The following LRP1B variants were observed in gnomAD, a reference collection of about 807,000 sequenced individuals.
The protein encoded by LRP1B is low-density lipoprotein receptor-related protein 1B.
A neutral mutation model predicts 556.6 loss-of-function variants in LRP1B; 217 were observed. The ratio of observed to expected loss-of-function variants is 0.39; its 90% CI spans 0.35 to 0.44. The LOEUF is 0.44. LRP1B is among the 20% of genes least tolerant of loss of function. The probability of loss-of-function intolerance (pLI) is 1.00; values close to 1 mark genes in which losing one functional copy is unlikely to be tolerated. For synonymous variants in LRP1B, 2,047 were observed against 1,865.8 expected, an observed-to-expected ratio of 1.10 and a Z score of -2.50; for missense variants, 5,053 against 5,620.8, an observed-to-expected ratio of 0.90 and a Z score of 3.23.
In LRP1B at chr2:141,096,629, G is replaced by GAGAGAGAGAGAGAGAGAGAGAGAGA. The variant is rs1558858138; in HGVS notation, c.1014-34357_1014-34356insTCTCTCTCTCTCTCTCTCTCTCTCT. Among the ~76,000 whole-genome samples the GAGAGAGAGAGAGAGAGAGAGAGAGA allele has an allele frequency of 1.2e-4, 7 of 59,746 alleles. 2 individuals are homozygous for GAGAGAGAGAGAGAGAGAGAGAGAGA. The highest frequency in any genetic ancestry group is 1.5e-4 in the African/African-American group (2 of 13,680). 39.2% of individuals were successfully genotyped at this position (59,746 alleles called of 152,430 possible). On this transcript the variant is annotated intron_variant, in intron 7 of 90. Coordinates refer to ENST00000389484, the MANE Select transcript of LRP1B (RefSeq NM_018557.3). ...CTGAATGACAAAGACGGGGAGAGGG[G>GAGAGAGAGAGAGAGAGAGAGAGAGA]GAGAGAGAGAGAGAGAGAGAGAGAG...
At chr2:140,591,372 G>A (rs1380926285) in intron 43 of LRP1B, among the ~76,000 whole-genome samples, 2 of 152,170 alleles carry the variant, frequency 1.3e-5, no homozygotes, top group African/African-American at 4.8e-5. Context: ...CTGACAGTTA[G>A]GTACTCTGCT....
chr2:140,277,654 C>T (rs6725209), intron 84 of LRP1B, among the ~76,000 whole-genome samples: 25,905 of 151,866 alleles, frequency 0.17, 2,715 homozygotes, highest in East Asian at 0.33. Flanking sequence ...AAAAGATGAG[C>T]GCCTGTACAT....
rs766132339 is a variant in LRP1B at position 141,019,986 on chromosome 2, G to C, written c.1906C>G (p.Arg636Gly). 1.2e-6 allele frequency: 2 copies of C among 1,611,722 alleles called. No individual in the cohort carries two copies. Among genetic ancestry groups the C allele is most frequent in the African/African-American group, 1.3e-5 (1 of 74,860 alleles). ...VARLEKASQS[R>G]KTLLEGEMSH... ...ATTTCACCCTCTAAAAGAGTCTTCC[G>C]ACTCTGAGAAGCTTTTTCCAGCCTG... Residue 636 changes from arginine (R) to glycine (G), a missense_variant, in exon 12 of 91, where the codon CGG (arginine) becomes GGG (glycine). By Grantham distance (125) the Arg-to-Gly change is moderately radical. Around this residue, in one of 5 missense-constraint regions of LRP1B, gnomAD observed 3,619 missense variants for 3,931.9 expected, o/e 0.92. Transcript: ENST00000389484.
At chr2:140,506,529 C>A (rs989441452) in intron 53 of LRP1B, among the ~76,000 whole-genome samples, 4 of 152,166 alleles carry the variant, frequency 2.6e-5, no homozygotes, top group African/African-American at 9.7e-5. Context: ...CAGGCATGAG[C>A]CACCGCACCC....
At chr2:140,302,308 C>T (rs751183610) in intron 83 of LRP1B, among the ~76,000 whole-genome samples, 1 of 152,116 alleles carries the variant, frequency 6.6e-6, no homozygotes, top group Non-Finnish European at 1.5e-5. Flanking sequence ...CAATTTTACT[C>T]CTTGTATGTT....
At chr2:141,023,447 TA>T (rs777619891) in intron 11 of LRP1B, among the ~76,000 whole-genome samples, 14 of 151,906 alleles carry the variant, frequency 9.2e-5, no homozygotes, top group Non-Finnish European at 1.9e-4. Flanking sequence ...GATGTGGATT[TA>T]AAAAGAATAA....
chr2:141,175,062 T>C (rs1489313385), intron 7 of LRP1B, among the ~76,000 whole-genome samples: 1 of 152,042 alleles, frequency 6.6e-6, no homozygotes, highest in African/African-American at 2.4e-5. Context: ...GGATATCTGG[T>C]GGAAGAAATT....
At chr2:140,693,019 C>G (rs1365545026) in intron 41 of LRP1B, among the ~76,000 whole-genome samples, 1 of 151,996 alleles carries the variant, frequency 6.6e-6, no homozygotes, top group Non-Finnish European at 1.5e-5. Flanking sequence ...TCATTAAATT[C>G]ATTATTTTTC....
chr2:140,603,136 C>G (rs1682738243), intron 41 of LRP1B, among the ~76,000 whole-genome samples: 1 of 151,978 alleles, frequency 6.6e-6, no homozygotes, highest in Non-Finnish European at 1.5e-5. Context: ...AATTGTATAT[C>G]TAGTAATATA....
chr2:141,108,705 T>C (rs1700673909), intron 7 of LRP1B, among the ~76,000 whole-genome samples: 1 of 152,192 alleles, frequency 6.6e-6, no homozygotes, highest in East Asian at 1.9e-4. Context: ...CCTAGGTCAG[T>C]CTAATACCAT....
chr2:140,529,550 G>T (rs1332755283), intron 47 of LRP1B, among the ~76,000 whole-genome samples: 1 of 151,754 alleles, frequency 6.6e-6, no homozygotes, highest in Non-Finnish European at 1.5e-5. Context: ...AAATCTAGAA[G>T]GAATGCCGAT....
chr2:140,900,308 C>T (rs972982046), intron 23 of LRP1B, among the ~76,000 whole-genome samples: 3 of 152,226 alleles, frequency 2.0e-5, no homozygotes, highest in Non-Finnish European at 4.4e-5. Flanking sequence ...AGCCAATTCT[C>T]ATGTGAAATA....
At chr2:141,233,972 C>T (rs1683563975) in intron 5 of LRP1B, among the ~76,000 whole-genome samples, 1 of 151,876 alleles carries the variant, frequency 6.6e-6, no homozygotes, top group South Asian at 2.1e-4. Context: ...ATGAAGCTCC[C>T]AGCATGTGCA....
At chr2:140,908,449 C>T (rs543658819) in intron 21 of LRP1B, among the ~76,000 whole-genome samples, 23 of 149,468 alleles carry the variant, frequency 1.5e-4, no homozygotes, top group Non-Finnish European at 2.5e-4. Context: ...TAAAAGCAAA[C>T]TTTAAAGATA....
chr2:140,738,906 T>C (rs960923236), intron 35 of LRP1B, among the ~76,000 whole-genome samples: 1 of 152,202 alleles, frequency 6.6e-6, no homozygotes, highest in Admixed American at 6.5e-5. Context: ...TATAATTGGA[T>C]CTTTTGTAAT....
At chr2:141,750,501 C>T (rs146775746) in intron 2 of LRP1B, among the ~76,000 whole-genome samples, 5 of 152,120 alleles carry the variant, frequency 3.3e-5, no homozygotes, top group African/African-American at 9.7e-5. Flanking sequence ...CCTTGGACTC[C>T]ACCGCTAGTC....
chr2:141,649,007 C>CT (rs1187009419), intron 2 of LRP1B, among the ~76,000 whole-genome samples: 1 of 152,156 alleles, frequency 6.6e-6, no homozygotes, highest in African/African-American at 2.4e-5. Context: ...ACACAGGGAA[C>CT]TTAGTTTAGG....
intron 2 of LRP1B, among the ~76,000 whole-genome samples, chr2:141,533,463 A>C (rs1417312340): frequency 6.6e-6 from 1 of 152,224 alleles, no homozygotes; most frequent in Non-Finnish European, 1.5e-5. Flanking sequence ...ACACAGGTGC[A>C]TTTAGGTAAG....
rs368803128 is a variant in LRP1B at position 141,657,076 on chromosome 2, AC to A, written c.205+153202del. ...AAAACTACAGCTTGAAGGAGAATTTACAAAGCAGTTTTTTTTAGTTCTACTG... is the reference window on the plus strand; with the variant it reads ...AAAACTACAGCTTGAAGGAGAATTTAAAAGCAGTTTTTTTTAGTTCTACTG... On this transcript the variant is annotated intron_variant, in intron 2 of 90. Coordinates refer to ENST00000389484, the MANE Select transcript of LRP1B (RefSeq NM_018557.3). 1.6e-4 allele frequency among the ~76,000 whole-genome samples: 25 copies of A among 152,262 alleles called. No homozygotes were observed. In the East Asian group the frequency reaches 3.1e-3, roughly 19 times the overall value.
Sources: allele counts gnomAD v4.1 joint callset (sites outside exome capture counted in the v4.1 genomes callset), GRCh38; gene constraint gnomAD v4.1.1; regional missense constraint gnomAD v4.1.1; transcripts MANE v1.5; gene names NCBI Gene and HGNC (gene_info 2026-07-23, HGNC 2026-07-21).